The following CFHR1 variants were observed in gnomAD, a reference collection of about 807,000 sequenced individuals.
The protein encoded by CFHR1 is complement factor H related 1, also known as complement factor H-related protein 1.
In CFHR1, 22 loss-of-function variants were observed where a neutral mutation model predicts 30.4. The ratio of observed to expected loss-of-function variants is 0.72; its 90% CI spans 0.52 to 1.03. The LOEUF (loss-of-function observed/expected upper bound fraction) is 1.03, where lower values mean the gene tolerates loss of function less well. Ranked by LOEUF, CFHR1 falls within the 50% of genes least tolerant of loss-of-function variation. The pLI is 0.00. For synonymous variants in CFHR1, 95 were observed against 129.1 expected (o/e 0.74, Z 1.79); for missense variants, 248 against 380.6 (o/e 0.65, Z 2.90).
intron 1 of CFHR1, among the ~76,000 whole-genome samples, chr1:196,820,431 C>G (rs1241061902): frequency 1.0e-5 from 1 of 99,016 alleles, no homozygotes; most frequent in Non-Finnish European, 2.0e-5. Flanking sequence ...AGTGAACTGT[C>G]AAGAAATTGC....
chr1:196,829,850 G>T (rs1408585495), intron 4 of CFHR1, among the ~76,000 whole-genome samples: 1 of 134,516 alleles, frequency 7.4e-6, no homozygotes, highest in Non-Finnish European at 1.6e-5. Flanking sequence ...AAAATGGGAA[G>T]TTTTCAGGTA....
rs1160021314 is a variant in CFHR1, at chr1:196,822,167, C to T, written c.58+2265C>T. ...TGATGGCTTAGAACATCACCATACA[C>T]TACTAGAGGTGGTATAAACACTGTA... On this transcript the variant is annotated intron_variant, in intron 1 of 5. Transcript: ENST00000320493. Among the ~76,000 whole-genome samples, 43 of 122,962 alleles carry T rather than the reference C, an allele frequency of 3.5e-4. 4 individuals carry two copies. Among genetic ancestry groups the T allele is most frequent in the African/African-American group, 1.4e-3 (37 of 26,672 alleles). 80.7% of individuals were successfully genotyped at this position (122,962 alleles called of 152,430 possible). A position where few individuals can be genotyped will look rare whatever the true frequency, so the allele number is the denominator to read the frequency against.
In CFHR1 at chr1:196,832,151, C is replaced by T; in HGVS notation, c.*152C>T. The T allele has an allele frequency of 2.7e-6, 2 of 743,158 alleles. No homozygotes were observed. The highest frequency in any genetic ancestry group is 4.8e-5 in the Admixed American group (2 of 41,706). The allele number at this position is 743,158 out of a possible 1,614,324, so 46.0% of individuals were successfully genotyped here. ...TAATTATAAGCTGAGACCGGTGGCTCTCTTCTTAAAAGCACCATATTAAAA... is the reference window on the plus strand; with the variant it reads ...TAATTATAAGCTGAGACCGGTGGCTTTCTTCTTAAAAGCACCATATTAAAA... On this transcript the variant is annotated 3_prime_UTR_variant, in exon 6 of 6. Coordinates refer to ENST00000320493, the MANE Select transcript of CFHR1 (RefSeq NM_002113.3).
Position 196,828,093 on chromosome 1 carries a change from A to G in CFHR1, c.454A>G (p.Thr152Ala), listed in dbSNP as rs1323072317. The stretch of plus-strand genomic sequence containing the variant: ...AGACACTTCCTGTGTGAATCCGCCC[A>G]CAGTACAAAATGCTCATATACTGTC... The part of the protein sequence containing the change: ...STDTSCVNPP[T>A]VQNAHILSRQ... The change falls in exon 4 of 6, where the codon ACA (threonine) becomes GCA (alanine). Residue 152 changes from threonine (T) to alanine (A), a missense_variant. Physicochemically the swap from Thr to Ala is moderately conservative, Grantham distance 58. This residue lies in a region of CFHR1 where 121 missense variants were observed against 162.6 expected (regional missense o/e 0.74). Coordinates refer to ENST00000320493, the MANE Select transcript of CFHR1 (RefSeq NM_002113.3). 1 of 1,457,990 alleles carries G rather than the reference A, an allele frequency of 6.9e-7. No individual in the cohort carries two copies. The allele number at this position is 1,457,990 out of a possible 1,614,324, so 90.3% of individuals were successfully genotyped here.
At chr1:196,827,396 A>G (rs417843) in intron 3 of CFHR1, among the ~76,000 whole-genome samples, 63,544 of 133,828 alleles carry the variant, frequency 0.47, 21,488 homozygotes, top group African/African-American at 0.59. Flanking sequence ...ATCACTACAC[A>G]TGGACCTGAA....
intron 4 of CFHR1, among the ~76,000 whole-genome samples, chr1:196,828,684 T>C (rs1655431760): frequency 7.5e-6 from 1 of 133,148 alleles, no homozygotes; most frequent in Non-Finnish European, 1.6e-5. Flanking sequence ...TAAAAAGAAG[T>C]CCGAGCACAT....
chr1:196,827,436 A>G (rs1655374740), intron 3 of CFHR1, among the ~76,000 whole-genome samples: 2 of 135,796 alleles, frequency 1.5e-5, no homozygotes. Context: ...ATTGTTCAGC[A>G]TAGTATCCTT....
intron 4 of CFHR1, among the ~76,000 whole-genome samples, chr1:196,828,777 A>T (rs1655435028): frequency 8.8e-6 from 1 of 113,758 alleles, no homozygotes. Flanking sequence ...TTATGTTTTA[A>T]AATTAATGTT....
Position 196,825,654 on chromosome 1 carries a change from C to T in CFHR1, c.236C>T (p.Pro79Leu). The change falls in exon 2 of 6, where the codon CCA becomes CTA. Residue 79 changes from proline (P) to leucine (L), a missense_variant. Pro to Leu is a moderately conservative substitution (Grantham distance 98). This residue lies in a region of CFHR1 where 121 missense variants were observed against 162.6 expected (regional missense o/e 0.74). Transcript: ENST00000320493. ...ACATGCACAGAAGAAGGATGGTCAC[C>T]AACACCAAAGTGTCTCAGTGAGTAA... is the stretch of plus-strand genomic sequence containing the variant. ...RITCTEEGWSPTPKCLRLCFF... is the reference protein window; with the variant it reads ...RITCTEEGWSLTPKCLRLCFF... 3 of 1,523,304 alleles carry T rather than the reference C, an allele frequency of 2.0e-6. 1 individual carries two copies. Among genetic ancestry groups the T allele is most frequent in the Non-Finnish European group, 2.7e-6 (3 of 1,127,944 alleles). The allele number at this position is 1,523,304 out of a possible 1,614,324, so 94.4% of individuals were successfully genotyped here. A position where few individuals can be genotyped will look rare whatever the true frequency, so the allele number is the denominator to read the frequency against.
Sources: gnomAD v4.1 joint callset for allele counts (sites outside exome capture counted in the v4.1 genomes callset) on GRCh38, gnomAD v4.1.1 for gene constraint, gnomAD v4.1.1 regional missense constraint, MANE v1.5 for transcripts, NCBI Gene and HGNC (gene_info 2026-07-23, HGNC 2026-07-21) for gene names.